Variants in WASF3 observed in about 807,000 individuals in gnomAD.
WASF3 encodes WASP family member 3.
A neutral mutation model predicts 46.6 loss-of-function variants in WASF3; 11 were observed. The ratio of observed to expected loss-of-function variants is 0.24; its 90% CI spans 0.15 to 0.39. The LOEUF (loss-of-function observed/expected upper bound fraction) is 0.39. WASF3 is among the 10% of genes least tolerant of loss of function. WASF3 has a pLI of 1.00. For synonymous variants in WASF3, 242 were observed against 259.7 expected (o/e 0.93, Z 0.65); for missense variants, 576 against 669.8 (o/e 0.86, Z 1.55).
intron 2 of WASF3, among the ~76,000 whole-genome samples, chr13:26,634,776 G>A (rs1480818634): frequency 6.6e-6 from 1 of 152,140 alleles, no homozygotes; most frequent in Non-Finnish European, 1.5e-5. Context: ...GAAATTCTGG[G>A]TTGAAAATTC....
chr13:26,662,897 A>G (rs1197897722), intron 3 of WASF3, among the ~76,000 whole-genome samples: 3 of 122,138 alleles, frequency 2.5e-5, no homozygotes, highest in Non-Finnish European at 5.5e-5. Flanking sequence ...ATACACATAC[A>G]CATACTTATT....
At chr13:26,576,488 G>T (rs1879800954) in intron 1 of WASF3, among the ~76,000 whole-genome samples, 1 of 152,130 alleles carries the variant, frequency 6.6e-6, no homozygotes, top group African/African-American at 2.4e-5. Context: ...AATTGCAGTG[G>T]TCTGAAGTGG....
intron 1 of WASF3, among the ~76,000 whole-genome samples, chr13:26,612,268 G>A (rs989703388): frequency 6.6e-6 from 1 of 152,152 alleles, no homozygotes; most frequent in East Asian, 1.9e-4. Flanking sequence ...ATGGATGCAT[G>A]TTCACTAAAA....
chr13:26,686,177 C>G lies in WASF3; in HGVS notation c.*332C>G, dbSNP rs1423590424. On this transcript the variant is annotated 3_prime_UTR_variant, in exon 10 of 10. Transcript: ENST00000335327. ...TGATCAATATAACTCTGCAGACTTG[C>G]TGTGTGTTTGTGAAGCTGCCTGGTG... 1 of 223,712 alleles carries G rather than the reference C, an allele frequency of 4.5e-6. No individual in the cohort carries two copies. Among genetic ancestry groups the G allele is most frequent in the East Asian group, 9.1e-5 (1 of 10,994 alleles). The allele number at this position is 223,712 out of a possible 1,614,324, so 13.9% of individuals were successfully genotyped here. A position where few individuals can be genotyped will look rare whatever the true frequency, so the allele number is the denominator to read the frequency against.
Position 26,572,324 on chromosome 13 carries a change from G to A in WASF3, c.-109+14505G>A, listed in dbSNP as rs992097292. ...TAGGATGTTGGCACTTGCACTCACC[G>A]TGTGTATGTGCGTGCATGCACATGC... is the stretch of plus-strand genomic sequence containing the variant. On this transcript the variant is annotated intron_variant, in intron 1 of 9. Transcript: ENST00000335327. 7.9e-5 allele frequency among the ~76,000 whole-genome samples: 12 copies of A among 152,270 alleles called. No homozygotes were observed. In the South Asian group the frequency reaches 8.3e-4, roughly 11 times the overall value.
At chr13:26,675,454 C>T (rs925436496) in intron 6 of WASF3, among the ~76,000 whole-genome samples, 1 of 150,480 alleles carries the variant, frequency 6.6e-6, no homozygotes, top group African/African-American at 2.5e-5. Flanking sequence ...TCCAGGATGC[C>T]TCCCTGACTT....
At chr13:26,580,976 A>G (rs1258731880) in intron 1 of WASF3, among the ~76,000 whole-genome samples, 3 of 149,204 alleles carry the variant, frequency 2.0e-5, no homozygotes, top group Admixed American at 6.7e-5. Context: ...CTGTCACCCA[A>G]GCTGGGGTGC....
chr13:26,604,583 G>A (rs757804582), intron 1 of WASF3, among the ~76,000 whole-genome samples: 3 of 152,120 alleles, frequency 2.0e-5, no homozygotes, highest in Non-Finnish European at 4.4e-5. Flanking sequence ...TGAAGAGTAA[G>A]TTACTGAACT....
rs1211603314 is a variant in WASF3, at chr13:26,682,306, C to T, written c.984-301C>T. Among the ~76,000 whole-genome samples, 1 of 152,218 alleles carries T rather than the reference C, an allele frequency of 6.6e-6. No individual in the cohort carries two copies. The highest frequency in any genetic ancestry group is 1.5e-5 in the Non-Finnish European group (1 of 68,044). On this transcript the variant is annotated intron_variant, in intron 8 of 9. Coordinates refer to ENST00000335327, the MANE Select transcript of WASF3 (RefSeq NM_006646.6). This position sits in a 1 kb window ranked among gnomAD's most constrained non-coding sequence, Gnocchi z 4.4. ...TCCCAGTGTGAAGCCTTCACTGGCG[C>T]TGCCGTCCTGGCCTCTGCAGTCAGC...
intron 1 of WASF3, among the ~76,000 whole-genome samples, chr13:26,569,833 G>A (rs1879581373): frequency 1.3e-5 from 2 of 152,080 alleles, no homozygotes; most frequent in Admixed American, 6.5e-5. Context: ...AAGACGGAAG[G>A]CACAGATAAC....
chr13:26,585,891 G>A (rs1880114458), intron 1 of WASF3, among the ~76,000 whole-genome samples: 1 of 152,158 alleles, frequency 6.6e-6, no homozygotes, highest in African/African-American at 2.4e-5. Context: ...GCTGAGGATG[G>A]TGCTGTAGAA....
chr13:26,657,054 A>G (rs1882487993), intron 3 of WASF3, among the ~76,000 whole-genome samples: 1 of 152,222 alleles, frequency 6.6e-6, no homozygotes, highest in African/African-American at 2.4e-5. Flanking sequence ...GGTCTTGTAT[A>G]TACAACAGAG....
rs1302873864 is a variant in WASF3 at position 26,682,540 on chromosome 13, C to T, written c.984-67C>T. On this transcript the variant is annotated intron_variant, in intron 8 of 9. Coordinates refer to ENST00000335327, the MANE Select transcript of WASF3 (RefSeq NM_006646.6). This position sits in a 1 kb window ranked among gnomAD's most constrained non-coding sequence, Gnocchi z 4.4. ...GTCTGGGGATGGCTCCGTTAGGTGT[C>T]TAAGAGCTCCCAGGACGTGACCCTC... 1 of 1,601,712 alleles carries T rather than the reference C, an allele frequency of 6.2e-7. No individual in the cohort carries two copies. Among genetic ancestry groups the T allele is most frequent in the Admixed American group, 1.7e-5 (1 of 57,758 alleles).
chr13:26,655,360 G>A (rs1047451230), intron 3 of WASF3, among the ~76,000 whole-genome samples: 3 of 152,142 alleles, frequency 2.0e-5, no homozygotes, highest in South Asian at 2.1e-4. Flanking sequence ...AATATCACAC[G>A]GTGATGATGT....
chr13:26,669,512 A>G, intron 5 of WASF3, among the ~76,000 whole-genome samples: 1 of 88,932 alleles, frequency 1.1e-5, no homozygotes, highest in Non-Finnish European at 2.1e-5. Flanking sequence ...ACTGAAAAAA[A>G]AATTTTTTTT....
At chr13:26,627,013 AAGAAAGT>A (rs1323992605) in intron 2 of WASF3, among the ~76,000 whole-genome samples, 3 of 134,378 alleles carry the variant, frequency 2.2e-5, no homozygotes, top group East Asian at 3.9e-4. Context: ...GAGTATAACC[AAGAAAGT>A]AGAAAGTAGA....
intron 1 of WASF3, among the ~76,000 whole-genome samples, chr13:26,587,600 A>G (rs1009331394): frequency 3.9e-5 from 6 of 152,206 alleles, no homozygotes; most frequent in Admixed American, 1.3e-4. Flanking sequence ...ATAATTGACT[A>G]TTATGATTGA....
intron 3 of WASF3, among the ~76,000 whole-genome samples, chr13:26,661,385 C>G (rs1593176285): frequency 6.6e-6 from 1 of 152,218 alleles, no homozygotes; most frequent in African/African-American, 2.4e-5. Flanking sequence ...TCTTTTGTGA[C>G]TGATTAATTT....
At chr13:26,568,014 C>T (rs1879523048) in intron 1 of WASF3, among the ~76,000 whole-genome samples, 1 of 151,658 alleles carries the variant, frequency 6.6e-6, no homozygotes, top group Non-Finnish European at 1.5e-5. Flanking sequence ...AGCAAGTGCC[C>T]CCTTGAGATA....
Sources: allele counts gnomAD v4.1 joint callset (sites outside exome capture counted in the v4.1 genomes callset), GRCh38; gene constraint gnomAD v4.1.1; non-coding constraint Gnocchi (gnomAD v3.1); transcripts MANE v1.5; gene names NCBI Gene and HGNC (gene_info 2026-07-23, HGNC 2026-07-21).